Variants in COL4A4 observed in about 807,000 individuals in gnomAD.
COL4A4 encodes the protein collagen type IV alpha 4 chain, also known as collagen alpha-4(IV) chain.
Under a neutral mutation model 192.9 loss-of-function variants are expected in COL4A4, and 105 were observed. The observed-to-expected ratio is 0.54, with a 90% CI of 0.46 to 0.64. The LOEUF (loss-of-function observed/expected upper bound fraction) is 0.64, where lower values mean the gene tolerates loss of function less well. Ranked by LOEUF, COL4A4 falls within the 30% of genes least tolerant of loss-of-function variation. COL4A4 has a pLI of 0.00. For missense variants in COL4A4, 1,967 were observed against 2,169.3 expected, an observed-to-expected ratio of 0.91 and a Z score of 1.85; for synonymous variants, 762 against 769.9, an observed-to-expected ratio of 0.99 and a Z score of 0.17.
chr2:226,988,346 A>G, the COL4A4 span: 2 of 1,550,076 alleles, frequency 1.3e-6, no homozygotes, highest in Non-Finnish European at 1.7e-6. Flanking sequence ...ACCAGGTCAT[A>G]AAGAGACAAT....
intron 6 of COL4A4, among the ~76,000 whole-genome samples, chr2:227,119,388 C>T (rs1462976713): frequency 1.3e-5 from 2 of 150,200 alleles, no homozygotes; most frequent in African/African-American, 2.4e-5. Flanking sequence ...ATATATCTTG[C>T]ACCATATTTT....
intron 17 of COL4A4, among the ~76,000 whole-genome samples, 161 bp downstream of exon 17, chr2:227,101,343 A>G (rs1201840579): frequency 6.6e-6 from 1 of 152,182 alleles, no homozygotes; most frequent in Admixed American, 6.5e-5. Context: ...TATCAGCAAC[A>G]TGAAAAACAG....
In COL4A4 at chr2:227,030,546, C is replaced by T; in HGVS notation, c.3870G>A (p.Glu1290=). Reference sequence around the variant, plus strand: ...GCCCTGGTAGACCACAGTCACCTGGCTCCCCTCTCAGAAGGTCAACACTCC... The same window carrying T: ...GCCCTGGTAGACCACAGTCACCTGGTTCCCCTCTCAGAAGGTCAACACTCC... ...LPGSVDLLRG[E]PGDCGLPGPP... The change falls in exon 41 of 48, where the codon GAG becomes GAA. Residue 1290 remains glutamate (E), a synonymous_variant. Coordinates refer to ENST00000396625, the MANE Select transcript of COL4A4 (RefSeq NM_000092.5). 6.2e-7 allele frequency: 1 copy of T among 1,613,974 alleles called. No homozygotes were observed. Among genetic ancestry groups the T allele is most frequent in the African/African-American group, 1.3e-5 (1 of 75,010 alleles).
chr2:227,148,013 T>C (rs1418046393), intron 1 of COL4A4, among the ~76,000 whole-genome samples: 1 of 152,256 alleles, frequency 6.6e-6, no homozygotes, highest in South Asian at 2.1e-4. Context: ...CATACATTTT[T>C]GTATATTTGT....
chr2:227,070,931 A>T (rs1210242178), intron 25 of COL4A4, among the ~76,000 whole-genome samples: 1 of 152,136 alleles, frequency 6.6e-6, no homozygotes, highest in East Asian at 1.9e-4. Flanking sequence ...CCTTGAAACA[A>T]AAGCCTGATA....
chr2:227,070,634 CCA>C (rs1463758197), intron 25 of COL4A4, among the ~76,000 whole-genome samples: 1 of 148,890 alleles, frequency 6.7e-6, no homozygotes, highest in African/African-American at 2.5e-5. Context: ...AAACCAAACA[CCA>C]CATATTCTCA....
chr2:226,980,651 T>C, the COL4A4 span, among the ~76,000 whole-genome samples: 1 of 152,202 alleles, frequency 6.6e-6, no homozygotes, highest in African/African-American at 2.4e-5. Flanking sequence ...CTTAAAACCA[T>C]ATAGTCCTTT....
At chr2:226,989,230 G>A in the COL4A4 span, among the ~76,000 whole-genome samples, 7 of 152,328 alleles carry the variant, frequency 4.6e-5, no homozygotes, top group African/African-American at 1.7e-4. Flanking sequence ...AAGTAGGATA[G>A]AAACCACTTA....
chr2:227,146,517 G>C (rs138380837), intron 2 of COL4A4, among the ~76,000 whole-genome samples: 2 of 151,988 alleles, frequency 1.3e-5, no homozygotes, highest in South Asian at 2.1e-4. Context: ...ATCTCATATT[G>C]GTTTCCTGTT....
At chr2:227,106,786 G>A (rs936315369) in intron 12 of COL4A4, among the ~76,000 whole-genome samples, 4 of 152,098 alleles carry the variant, frequency 2.6e-5, no homozygotes, top group Admixed American at 6.5e-5. Flanking sequence ...GGCTGGTCTC[G>A]AACTCCTGAC....
rs1205075432 is a variant in COL4A4, at chr2:227,005,631, A to G, written c.*1694T>C. On this transcript the variant is annotated 3_prime_UTR_variant, in exon 48 of 48. Coordinates refer to ENST00000396625, the MANE Select transcript of COL4A4 (RefSeq NM_000092.5). ...TAAATTGCCACCCTGGGGGCAGCCCATAGCAAAACTCATTTGAAATGTGTT... is the reference window on the plus strand; with the variant it reads ...TAAATTGCCACCCTGGGGGCAGCCCGTAGCAAAACTCATTTGAAATGTGTT... 1 of 152,264 alleles carries G rather than the reference A, an allele frequency of 6.6e-6. No homozygotes were observed. Among genetic ancestry groups the G allele is most frequent in the Non-Finnish European group, 1.5e-5 (1 of 68,044 alleles). 9.4% of individuals were successfully genotyped at this position (152,264 alleles called of 1,614,324 possible).
intron 17 of COL4A4, 76 bp from the exon 18 acceptor site, chr2:227,099,765 G>T: frequency 8.1e-7 from 1 of 1,230,042 alleles, no homozygotes; most frequent in Non-Finnish European, 1.2e-6. Flanking sequence ...ACCAGTATTA[G>T]AACGATCATG....
the COL4A4 span, among the ~76,000 whole-genome samples, chr2:226,982,491 A>C: frequency 3.9e-5 from 6 of 152,374 alleles, no homozygotes; most frequent in South Asian, 1.2e-3. Context: ...CATTTAAGAC[A>C]GCATTCAGCA....
chr2:226,987,187 G>T, the COL4A4 span, among the ~76,000 whole-genome samples: 1 of 152,164 alleles, frequency 6.6e-6, no homozygotes, highest in African/African-American at 2.4e-5. Context: ...GGGGCTGGGG[G>T]CAAGGGGAGG....
chr2:227,049,703 C>T (rs1460600891), intron 34 of COL4A4, among the ~76,000 whole-genome samples: 3 of 152,224 alleles, frequency 2.0e-5, no homozygotes, highest in African/African-American at 7.2e-5. Flanking sequence ...AAGATACTGG[C>T]TCCTGCGGGA....
intron 34 of COL4A4, among the ~76,000 whole-genome samples, chr2:227,049,067 T>C (rs1973500218): frequency 6.6e-6 from 1 of 152,218 alleles, no homozygotes; most frequent in South Asian, 2.1e-4. Context: ...GATAACTGCA[T>C]GTTAACCTGT....
chr2:227,062,695 T>C, intron 25 of COL4A4, 97 bp from the exon 26 acceptor site: 4 of 849,998 alleles, frequency 4.7e-6, no homozygotes, highest in South Asian at 1.4e-5. Context: ...TTTTTCTGTA[T>C]AGTATATGCA....
chr2:227,149,624 T>G (rs1331171658), intron 1 of COL4A4, among the ~76,000 whole-genome samples: 1 of 147,124 alleles, frequency 6.8e-6, no homozygotes, highest in Non-Finnish European at 1.5e-5. Context: ...TAAACAGCAT[T>G]TGATATTTTT....
At chr2:226,982,968 CATCATCCA>C in the COL4A4 span, among the ~76,000 whole-genome samples, 3 of 152,306 alleles carry the variant, frequency 2.0e-5, no homozygotes, top group Admixed American at 2.0e-4. Context: ...TTAAAATCTA[CATCATCCA>C]AGGTTGAGCA....
Sources: allele counts gnomAD v4.1 joint callset (sites outside exome capture counted in the v4.1 genomes callset), GRCh38; gene constraint gnomAD v4.1.1; transcripts MANE v1.5; gene names NCBI Gene and HGNC (gene_info 2026-07-23, HGNC 2026-07-21).